Variants in GPC5 observed in about 807,000 individuals in gnomAD.
GPC5 encodes the protein glypican-5.
A neutral mutation model predicts 53.9 loss-of-function variants in GPC5; 47 were observed. The ratio of observed to expected loss-of-function variants is 0.87; its 90% confidence interval spans 0.69 to 1.11. The LOEUF is 1.11. Ranked by LOEUF, GPC5 falls within the 50% of genes most tolerant of loss-of-function variation. GPC5 has a pLI of 0.00. For synonymous variants in GPC5, 286 were observed against 263.3 expected (o/e 1.09, Z -0.84); for missense variants, 748 against 713.1 (o/e 1.05, Z -0.56).
chr13:91,991,884 T>TG (rs2138736086), intron 6 of GPC5, among the ~76,000 whole-genome samples: 1 of 152,292 alleles, frequency 6.6e-6, no homozygotes, highest in East Asian at 1.9e-4. Context: ...CATTAGTGTG[T>TG]GGTTAGGAAA....
intron 7 of GPC5, among the ~76,000 whole-genome samples, chr13:92,301,225 T>C (rs1240474758): frequency 2.6e-5 from 4 of 152,214 alleles, no homozygotes; most frequent in African/African-American, 9.6e-5. Context: ...GTTTTCAAAG[T>C]GGTAGATCAT....
chr13:92,385,452 A>ATG (rs2043791505), intron 7 of GPC5, among the ~76,000 whole-genome samples: 1 of 128,450 alleles, frequency 7.8e-6, no homozygotes, highest in Non-Finnish European at 1.6e-5. Flanking sequence ...ATACATATAT[A>ATG]CATATATACA....
chr13:92,706,870 T>A (rs1266614682), intron 7 of GPC5, among the ~76,000 whole-genome samples: 2 of 152,206 alleles, frequency 1.3e-5, no homozygotes, highest in Non-Finnish European at 2.9e-5. Context: ...TAATGTGATG[T>A]TTCTTAGAGG....
chr13:92,814,382 T>A (rs117809219), intron 7 of GPC5, among the ~76,000 whole-genome samples: 4,061 of 151,974 alleles, frequency 0.027, 95 homozygotes, highest in Middle Eastern at 0.13. Context: ...CTTCATCGGC[T>A]GGGCATGGTG....
At chr13:92,512,257 C>CGCGT (rs1566622162) in intron 7 of GPC5, among the ~76,000 whole-genome samples, 4 of 151,810 alleles carry the variant, frequency 2.6e-5, no homozygotes, top group African/African-American at 9.7e-5. Context: ...TGTGCGCGCG[C>CGCGT]GCGCGCGTAC....
chr13:91,818,805 A>C (rs116584181), intron 5 of GPC5, among the ~76,000 whole-genome samples: 32 of 152,296 alleles, frequency 2.1e-4, no homozygotes, highest in African/African-American at 6.5e-4. Context: ...ATATAAATAC[A>C]AGATGTTTTA....
intron 7 of GPC5, among the ~76,000 whole-genome samples, chr13:92,514,879 GA>G (rs1413753058): frequency 6.6e-6 from 1 of 152,004 alleles, no homozygotes; most frequent in Non-Finnish European, 1.5e-5. Context: ...ACAGCAACCT[GA>G]AAAAAATAGG....
At chr13:92,627,987 C>T (rs1421070656) in intron 7 of GPC5, among the ~76,000 whole-genome samples, 1 of 152,080 alleles carries the variant, frequency 6.6e-6, no homozygotes, top group Non-Finnish European at 1.5e-5. Context: ...GACTGAAATA[C>T]CTAGACTGAA....
chr13:92,112,415 G>A (rs1364647602), intron 6 of GPC5, among the ~76,000 whole-genome samples: 1 of 152,110 alleles, frequency 6.6e-6, no homozygotes, highest in Admixed American at 6.6e-5. Context: ...AATCTAAGTG[G>A]AAGTAGTCTC....
At chr13:92,605,694 A>G (rs555717953) in intron 7 of GPC5, among the ~76,000 whole-genome samples, 1 of 151,000 alleles carries the variant, frequency 6.6e-6, no homozygotes, top group Admixed American at 6.6e-5. Context: ...GGTTCACGCC[A>G]TTCTCCTGCC....
chr13:91,491,519 G>A (rs9583938), intron 2 of GPC5, among the ~76,000 whole-genome samples: 3,354 of 152,098 alleles, frequency 0.022, 96 homozygotes, highest in African/African-American at 0.068. Context: ...CCAAACTCCT[G>A]TCCTTTTTTA....
At chr13:91,946,460 T>G (rs2139052568) in intron 6 of GPC5, among the ~76,000 whole-genome samples, 1 of 152,070 alleles carries the variant, frequency 6.6e-6, no homozygotes, top group Middle Eastern at 3.4e-3. Flanking sequence ...TAATTATATA[T>G]AAAACGCAAT....
intron 7 of GPC5, among the ~76,000 whole-genome samples, chr13:92,434,490 C>A (rs553854270): frequency 3.9e-5 from 6 of 152,060 alleles, no homozygotes; most frequent in African/African-American, 2.4e-5. Context: ...AAAAATACAT[C>A]CATAATGGAA....
intron 6 of GPC5, among the ~76,000 whole-genome samples, chr13:91,972,751 T>C (rs2040256107): frequency 1.3e-5 from 2 of 151,902 alleles, no homozygotes; most frequent in African/African-American, 4.8e-5. Flanking sequence ...GATATGAAAT[T>C]CTGGGTTGAA....
intron 2 of GPC5, among the ~76,000 whole-genome samples, chr13:91,578,937 C>A (rs1163433238): frequency 6.6e-6 from 1 of 151,866 alleles, no homozygotes; most frequent in Admixed American, 6.6e-5. Flanking sequence ...GTCCCAGTCA[C>A]TTGGAGGCTG....
intron 6 of GPC5, among the ~76,000 whole-genome samples, chr13:91,963,338 T>A (rs72633756): frequency 0.011 from 1,628 of 152,278 alleles, 19 homozygotes; most frequent in African/African-American, 0.025. Flanking sequence ...ATTTTACCCT[T>A]CTGTGTATAC....
chr13:92,462,168 A>G (rs1878512060), intron 7 of GPC5, among the ~76,000 whole-genome samples: 1 of 152,158 alleles, frequency 6.6e-6, no homozygotes, highest in African/African-American at 2.4e-5. Flanking sequence ...GAGCAAAAAG[A>G]CTGATGTGAT....
chr13:92,138,527 TAAAAAA>T (rs2041803612), intron 6 of GPC5, among the ~76,000 whole-genome samples: 1 of 26,726 alleles, frequency 3.7e-5, no homozygotes, highest in African/African-American at 1.1e-4. Context: ...CTCAAAAAAA[TAAAAAA>T]TAAAAAATAA....
chr13:91,623,193 T>A (rs575767443), intron 2 of GPC5, among the ~76,000 whole-genome samples: 1 of 152,184 alleles, frequency 6.6e-6, no homozygotes, highest in South Asian at 2.1e-4. Flanking sequence ...TAATGAAAAT[T>A]ATAGGATGTC....
Sources: gnomAD v4.1 joint callset for allele counts (sites outside exome capture counted in the v4.1 genomes callset) on GRCh38, gnomAD v4.1.1 for gene constraint, MANE v1.5 for transcripts, NCBI Gene and HGNC (gene_info 2026-07-23, HGNC 2026-07-21) for gene names.